MUSK: variants seen among roughly 807,000 people sequenced by gnomAD.
MUSK encodes muscle associated receptor tyrosine kinase, also known as muscle, skeletal receptor tyrosine-protein kinase.
In MUSK, 55 loss-of-function variants were observed where a neutral mutation model predicts 88.7. That is an observed-to-expected ratio of 0.62 (90% confidence interval 0.50 to 0.78). The LOEUF is 0.78. Among genes scored for constraint, MUSK ranks in the 30% least tolerant of loss-of-function variants. The probability of loss-of-function intolerance (pLI) is 0.00; values close to 1 mark genes in which losing one functional copy is unlikely to be tolerated. For missense variants in MUSK, 1,015 were observed against 1,074.3 expected (o/e 0.94, Z 0.77); for synonymous variants, 387 against 391.9 (o/e 0.99, Z 0.15).
intron 1 of MUSK, among the ~76,000 whole-genome samples, chr9:110,670,439 C>G (rs1333504569): frequency 2.6e-5 from 4 of 152,074 alleles, no homozygotes; most frequent in African/African-American, 9.7e-5. Flanking sequence ...TTATAAAGAG[C>G]AGGACAATTG....
intron 1 of MUSK, among the ~76,000 whole-genome samples, chr9:110,681,094 TTATATA>T (rs2076121272): frequency 1.9e-4 from 3 of 15,998 alleles, no homozygotes; most frequent in African/African-American, 1.3e-3. Flanking sequence ...ATAATATATA[TTATATA>T]ATATATATTA....
Position 110,802,727 on chromosome 9 carries a change from G to A in MUSK, c.*1739G>A, listed in dbSNP as rs539180227. Among the ~76,000 whole-genome samples, 123 of 152,150 alleles carry A rather than the reference G, an allele frequency of 8.1e-4. No homozygotes were observed. The highest frequency in any genetic ancestry group is 1.1e-3 in the Non-Finnish European group (74 of 68,016). On this transcript the variant is annotated 3_prime_UTR_variant, in exon 15 of 15. Coordinates refer to ENST00000374448, the MANE Select transcript of MUSK (RefSeq NM_005592.4). ...AAGAGCCAATGACTCAACCTCTACC[G>A]TTGCCCACCCTGTCTATTAGCTGGC...
rs937973669 is a variant in MUSK, at chr9:110,719,476, AG to A, written c.629-14774del. On this transcript the variant is annotated intron_variant, in intron 5 of 14. Transcript: ENST00000374448. The stretch of plus-strand genomic sequence containing the variant: ...ACAAAACAAACTATAGAGCAATAGC[AG>A]TTAAGAAAGACAAAGAGGGAGATTA... Among the ~76,000 whole-genome samples the A allele has an allele frequency of 1.1e-4, 17 of 152,244 alleles. No homozygotes were observed. In the East Asian group the frequency reaches 3.1e-3, roughly 28 times the overall value.
Position 110,734,262 on chromosome 9 carries a change from A to T in MUSK, c.640A>T (p.Ile214Phe). The change falls in exon 6 of 15, where the codon ATC becomes TTC. Residue 214 changes from isoleucine (I) to phenylalanine (F), a missense_variant. Ile to Phe is a conservative substitution (Grantham distance 21). Coordinates refer to ENST00000374448, the MANE Select transcript of MUSK (RefSeq NM_005592.4). ...VKLEVEVFAR[I>F]LRAPESHNVT... ...TGTCTTCCTAACAGTTTTTGCCAGG[A>T]TCCTGCGGGCTCCTGAATCCCACAA... 3.1e-6 allele frequency: 5 copies of T among 1,612,292 alleles called. No individual in the cohort carries two copies. Among genetic ancestry groups the T allele is most frequent in the Non-Finnish European group, 4.2e-6 (5 of 1,179,044 alleles).
rs1431594985 is a variant in MUSK at position 110,681,795 on chromosome 9, A to T, written c.80-879A>T. On this transcript the variant is annotated intron_variant, in intron 1 of 14. Coordinates refer to ENST00000374448, the MANE Select transcript of MUSK (RefSeq NM_005592.4). Reference sequence around the variant, plus strand: ...ATCTTTTATGGCCAAACAACGTGCCAGTCTGTTCTAGATGCTCTATAAGTC... The same window carrying T: ...ATCTTTTATGGCCAAACAACGTGCCTGTCTGTTCTAGATGCTCTATAAGTC... Among the ~76,000 whole-genome samples, 6 of 152,244 alleles carry T rather than the reference A, an allele frequency of 3.9e-5. No homozygotes were observed. In the East Asian group the frequency reaches 9.7e-4, roughly 24 times the overall value.
At chr9:110,684,779 A>T (rs949989712) in intron 2 of MUSK, among the ~76,000 whole-genome samples, 10 of 151,938 alleles carry the variant, frequency 6.6e-5, no homozygotes, top group Non-Finnish European at 1.5e-4. Context: ...CATATTGTTC[A>T]TTGTTGGTAT....
chr9:110,731,796 A>G (rs964640221), intron 5 of MUSK, among the ~76,000 whole-genome samples: 73 of 152,038 alleles, frequency 4.8e-4, no homozygotes, highest in African/African-American at 1.7e-3. Context: ...GTCACGTTGA[A>G]TTGACTCTGT....
At chr9:110,695,331 T>G in intron 3 of MUSK, 72 bp from the exon 4 acceptor site, 1 of 1,078,632 alleles carries the variant, frequency 9.3e-7, no homozygotes, top group Non-Finnish European at 1.3e-6. Context: ...TAGAATTAAA[T>G]TGAAAGTTAG....
intron 5 of MUSK, among the ~76,000 whole-genome samples, chr9:110,732,801 G>C (rs2076982387): frequency 6.6e-6 from 1 of 151,798 alleles, no homozygotes; most frequent in Non-Finnish European, 1.5e-5. Flanking sequence ...TTTTCTCCTG[G>C]TTTTGGGACC....
chr9:110,689,973 AT>A (rs2076295672), intron 3 of MUSK, among the ~76,000 whole-genome samples: 1 of 67,252 alleles, frequency 1.5e-5, no homozygotes, highest in Non-Finnish European at 2.5e-5. Flanking sequence ...TTTATATATT[AT>A]ATTATAAATA....
rs1248124476 is a variant in MUSK, at chr9:110,768,096, A to G, written c.1184+13A>G. 6.3e-7 allele frequency: 1 copy of G among 1,579,606 alleles called. No individual in the cohort carries two copies. Among genetic ancestry groups the G allele is most frequent in the Admixed American group, 1.9e-5 (1 of 53,690 alleles). ...TTCCCATTTGCAGGTAAAATCTCAAAAATAAGTCAAAGGAAAAATTCCATT... is the reference window on the plus strand; with the variant it reads ...TTCCCATTTGCAGGTAAAATCTCAAGAATAAGTCAAAGGAAAAATTCCATT... On this transcript the variant is annotated intron_variant, in intron 9 of 14. Transcript: ENST00000374448.
chr9:110,685,054 A>C (rs2076178566), intron 2 of MUSK, among the ~76,000 whole-genome samples: 1 of 152,090 alleles, frequency 6.6e-6, no homozygotes, highest in Non-Finnish European at 1.5e-5. Context: ...GACTAGAGGA[A>C]AGGCTTTCAG....
At chr9:110,774,483 T>G (rs534244651) in intron 9 of MUSK, among the ~76,000 whole-genome samples, 11 of 152,166 alleles carry the variant, frequency 7.2e-5, no homozygotes, top group Non-Finnish European at 1.3e-4. Flanking sequence ...AATAAAAAAA[T>G]TTCCCAGGTA....
At chr9:110,705,265 G>A (rs1224763608) in intron 5 of MUSK, among the ~76,000 whole-genome samples, 3 of 152,154 alleles carry the variant, frequency 2.0e-5, no homozygotes, top group African/African-American at 4.8e-5. Context: ...TTTGTCAAAG[G>A]TAATTGATTC....
chr9:110,707,580 T>A (rs996392648), intron 5 of MUSK, among the ~76,000 whole-genome samples: 8 of 152,170 alleles, frequency 5.3e-5, no homozygotes, highest in Admixed American at 6.5e-5. Flanking sequence ...TATTATCTTG[T>A]TTACCCTTGA....
chr9:110,683,328 G>A (rs2076156184), intron 2 of MUSK, among the ~76,000 whole-genome samples: 1 of 152,028 alleles, frequency 6.6e-6, no homozygotes, highest in Non-Finnish European at 1.5e-5. Flanking sequence ...TTTTATGGCT[G>A]AATAGTACTC....
rs200434321 is a variant in MUSK at position 110,767,925 on chromosome 9, G to A, written c.1026G>A (p.Ala342=). Residue 342 remains alanine (A), a synonymous_variant, in exon 9 of 15, where the codon GCG becomes GCA. Coordinates refer to ENST00000374448, the MANE Select transcript of MUSK (RefSeq NM_005592.4). ...TTGTTTTTCTCAACACCTCCTATGC[G>A]GACCCTGAGGAGGCCCAAGAGCTAC... ...DALVFLNTSY[A]DPEEAQELLV... is the part of the protein sequence containing the mutation. The A allele has an allele frequency of 2.0e-4, 319 of 1,613,826 alleles. No individual in the cohort carries two copies. The African/African-American group carries it at 3.5e-3, about 18-fold the overall frequency.
chr9:110,675,057 T>C (rs1481463351), intron 1 of MUSK, among the ~76,000 whole-genome samples: 3 of 152,226 alleles, frequency 2.0e-5, no homozygotes, highest in African/African-American at 7.2e-5. Flanking sequence ...CAATTTTAAA[T>C]GGTTTCCATT....
rs565257591 is a variant in MUSK, at chr9:110,731,839, G to C, written c.629-2412G>C. ...ACCATACCACACTATGCTTAGTTGT[G>C]TTGTGCAATGTGGATAATCAGAGGT... On this transcript the variant is annotated intron_variant, in intron 5 of 14. Coordinates refer to ENST00000374448, the MANE Select transcript of MUSK (RefSeq NM_005592.4). 9.9e-5 allele frequency among the ~76,000 whole-genome samples: 15 copies of C among 152,122 alleles called. No individual in the cohort carries two copies. The South Asian group carries it at 3.1e-3, about 32-fold the overall frequency.
Sources: allele counts gnomAD v4.1 joint callset (sites outside exome capture counted in the v4.1 genomes callset), GRCh38; gene constraint gnomAD v4.1.1; transcripts MANE v1.5; gene names NCBI Gene and HGNC (gene_info 2026-07-23, HGNC 2026-07-21).